SHANK2: variants seen among roughly 807,000 people sequenced by gnomAD.
SHANK2 encodes the protein SH3 and multiple ankyrin repeat domains 2, also known as SH3 and multiple ankyrin repeat domains protein 2.
A neutral mutation model predicts 133.7 loss-of-function variants in SHANK2; 43 were observed. That is an observed-to-expected ratio of 0.32 (90% CI 0.25 to 0.41). The LOEUF is 0.41. SHANK2 is among the 10% of genes least tolerant of loss of function. The pLI is 1.00. For missense variants in SHANK2, 1,994 were observed against 2,235.8 expected (o/e 0.89, Z 2.18); for synonymous variants, 1,017 against 952.8 (o/e 1.07, Z -1.24).
rs540723674 is a variant in SHANK2, at chr11:70,680,731, C to T, written c.1853+17957G>A. ...AGTTCACTTGGCCATGCCACCCCAG[C>T]CTCTCTCTCTTTCCCTGGTGAGGCT... On this transcript the variant is annotated intron_variant, in intron 15 of 25. Transcript: ENST00000601538. Among the ~76,000 whole-genome samples, 4 of 152,292 alleles carry T rather than the reference C, an allele frequency of 2.6e-5. No individual in the cohort carries two copies. The East Asian group carries it at 7.7e-4, about 29-fold the overall frequency.
intron 6 of SHANK2, among the ~76,000 whole-genome samples, chr11:71,098,831 C>T (rs946115223): frequency 6.6e-6 from 1 of 152,122 alleles, no homozygotes; most frequent in Non-Finnish European, 1.5e-5. Flanking sequence ...CCCGCACCAC[C>T]CCCCACCCCG....
At chr11:70,886,863 G>A (rs1949754629) in intron 11 of SHANK2, among the ~76,000 whole-genome samples, 1 of 152,012 alleles carries the variant, frequency 6.6e-6, no homozygotes, top group African/African-American at 2.4e-5. Context: ...CGGCTAATCA[G>A]GCACCCAAAC....
intron 15 of SHANK2, among the ~76,000 whole-genome samples, chr11:70,672,360 A>C (rs1180669713): frequency 6.6e-6 from 1 of 152,122 alleles, no homozygotes; most frequent in Admixed American, 6.5e-5. Context: ...CACCGCACCC[A>C]GCCTCCCCAT....
At chr11:71,209,685 G>A (rs575877365) in intron 2 of SHANK2, among the ~76,000 whole-genome samples, 1 of 152,356 alleles carries the variant, frequency 6.6e-6, no homozygotes, top group South Asian at 2.1e-4. Flanking sequence ...AATGTGCTGG[G>A]TGCTCCTGCA....
chr11:70,522,807 G>C (rs2059346918), intron 17 of SHANK2, among the ~76,000 whole-genome samples: 1 of 152,208 alleles, frequency 6.6e-6, no homozygotes, highest in Non-Finnish European at 1.5e-5. Context: ...CTCCAACCAG[G>C]CGGCATCATT....
chr11:70,676,438 G>T (rs782282023), intron 15 of SHANK2, among the ~76,000 whole-genome samples: 2 of 152,220 alleles, frequency 1.3e-5, no homozygotes, highest in Non-Finnish European at 2.9e-5. Context: ...ACGTTCCTGA[G>T]TAGGACGTGC....
intron 11 of SHANK2, among the ~76,000 whole-genome samples, chr11:70,887,945 C>T (rs1386940210): frequency 6.6e-6 from 1 of 152,158 alleles, no homozygotes; most frequent in Non-Finnish European, 1.5e-5. Flanking sequence ...AAGCATGAGC[C>T]AACAGCCTCA....
chr11:70,863,500 C>T (rs1555068342), intron 11 of SHANK2: 1 of 457,862 alleles, frequency 2.2e-6, no homozygotes. Context: ...TTTTCCTTAT[C>T]TCTAGGACTC....
chr11:70,595,593 TGA>T (rs2136291390), intron 17 of SHANK2, among the ~76,000 whole-genome samples: 1 of 152,256 alleles, frequency 6.6e-6, no homozygotes, highest in East Asian at 1.9e-4. Flanking sequence ...GAGGGAAAGT[TGA>T]GAACCACAGG....
chr11:70,612,589 A>C (rs1309454555), intron 17 of SHANK2, among the ~76,000 whole-genome samples: 1 of 152,234 alleles, frequency 6.6e-6, no homozygotes, highest in Non-Finnish European at 1.5e-5. Flanking sequence ...AGGTTAAACG[A>C]AACTCCACGA....
intron 14 of SHANK2, among the ~76,000 whole-genome samples, chr11:70,769,593 G>A (rs190603976): frequency 3.3e-4 from 51 of 152,310 alleles, no homozygotes; most frequent in African/African-American, 1.1e-3. Flanking sequence ...TTCTGCGAGA[G>A]CACATGAAAT....
At chr11:70,663,142 G>GC (rs1332983738) in intron 15 of SHANK2, among the ~76,000 whole-genome samples, 1 of 152,146 alleles carries the variant, frequency 6.6e-6, no homozygotes, top group African/African-American at 2.4e-5. Context: ...AACCCACCAG[G>GC]CCCCCGTCGC....
At chr11:70,781,050 G>T (rs1197923844) in intron 14 of SHANK2, among the ~76,000 whole-genome samples, 1 of 152,044 alleles carries the variant, frequency 6.6e-6, no homozygotes, top group African/African-American at 2.4e-5. Context: ...GATGGTGTTT[G>T]TGTCGGTTCT....
At chr11:70,588,442 TAA>T (rs1432076530) in intron 17 of SHANK2, among the ~76,000 whole-genome samples, 2 of 152,166 alleles carry the variant, frequency 1.3e-5, no homozygotes, top group African/African-American at 4.8e-5. Context: ...TGAAAGAAAT[TAA>T]AAGTGTTACT....
chr11:71,140,305 A>T (rs1317731443), intron 3 of SHANK2, among the ~76,000 whole-genome samples: 2 of 152,176 alleles, frequency 1.3e-5, no homozygotes, highest in Non-Finnish European at 2.9e-5. Context: ...TTTCACGAGG[A>T]GGTGCTGTAG....
intron 2 of SHANK2, among the ~76,000 whole-genome samples, chr11:71,191,742 A>G (rs1201834281): frequency 2.6e-5 from 4 of 152,078 alleles, no homozygotes; most frequent in Admixed American, 2.6e-4. Flanking sequence ...TATTTGTAAT[A>G]GAGACGGAGT....
chr11:71,059,400 T>C (rs1420785112), intron 9 of SHANK2, among the ~76,000 whole-genome samples: 1 of 152,048 alleles, frequency 6.6e-6, no homozygotes, highest in Non-Finnish European at 1.5e-5. Context: ...GTGGTGATGG[T>C]TGATGGTGGT....
intron 8 of SHANK2, among the ~76,000 whole-genome samples, chr11:71,085,743 ATAATATAT>A (rs1951386979): frequency 1.5e-4 from 11 of 75,430 alleles, no homozygotes; most frequent in African/African-American, 3.8e-4. Context: ...AATATATTAT[ATAATATAT>A]TATGTTATAT....
At chr11:70,678,432 C>T (rs1555017698) in intron 15 of SHANK2, among the ~76,000 whole-genome samples, 1 of 152,112 alleles carries the variant, frequency 6.6e-6, no homozygotes, top group Non-Finnish European at 1.5e-5. Flanking sequence ...CCACGCCCAG[C>T]CTCCTGCCTG....
Sources: gnomAD v4.1 joint callset for allele counts (sites outside exome capture counted in the v4.1 genomes callset) on GRCh38, gnomAD v4.1.1 for gene constraint, MANE v1.5 for transcripts, NCBI Gene and HGNC (gene_info 2026-07-23, HGNC 2026-07-21) for gene names.